RGS5: variants seen among roughly 807,000 people sequenced by gnomAD.
RGS5 encodes regulator of G-protein signalling 5.
In RGS5, 20 loss-of-function variants were observed where a neutral mutation model predicts 18.9. The observed-to-expected ratio is 1.06, with a 90% CI of 0.74 to 1.54. RGS5 has a LOEUF of 1.54. Among genes scored for constraint, RGS5 ranks in the 40% most tolerant of loss-of-function variants. The pLI, the probability that RGS5 is intolerant of heterozygous loss-of-function variation, is 0.00. For missense variants in RGS5, 201 were observed against 211.8 expected (o/e 0.95, Z 0.32); for synonymous variants, 57 against 76.2 (o/e 0.75, Z 1.31).
rs114826958 is a variant in RGS5 at position 163,149,899 on chromosome 1, C to T, written c.385-2396G>A. Reference sequence around the variant, plus strand: ...GTAATAAAAGCTATGACTTAACATACTTCAGGTGCACATACATATACACAA... The same window carrying T: ...GTAATAAAAGCTATGACTTAACATATTTCAGGTGCACATACATATACACAA... On this transcript the variant is annotated intron_variant, in intron 4 of 4. Coordinates refer to ENST00000313961, the MANE Select transcript of RGS5 (RefSeq NM_003617.4). 9.0e-3 allele frequency among the ~76,000 whole-genome samples: 1,365 copies of T among 152,242 alleles called. 18 individuals carry two copies. Among genetic ancestry groups the T allele is most frequent in the African/African-American group, 0.032 (1,316 of 41,542 alleles).
chr1:163,273,664 T>G (rs576550092), intron 2 of RGS5, among the ~76,000 whole-genome samples: 62 of 152,290 alleles, frequency 4.1e-4, no homozygotes, highest in Non-Finnish European at 8.1e-4. Context: ...ATCTAACATA[T>G]AGGACCACTC....
chr1:163,190,038 A>G (rs1659276940), intron 1 of RGS5, among the ~76,000 whole-genome samples: 1 of 152,188 alleles, frequency 6.6e-6, no homozygotes, highest in African/African-American at 2.4e-5. Flanking sequence ...GGGGATCAAC[A>G]TTGTCTCTGA....
At chr1:163,192,721 G>A (rs1312511206) in intron 1 of RGS5, among the ~76,000 whole-genome samples, 5 of 152,120 alleles carry the variant, frequency 3.3e-5, no homozygotes, top group Admixed American at 6.5e-5. Flanking sequence ...GCACTTCGGT[G>A]ATTCAGAAGC....
At chr1:163,313,997 A>ATG (rs760320834) in intron 1 of RGS5, among the ~76,000 whole-genome samples, 252 of 149,590 alleles carry the variant, frequency 1.7e-3, no homozygotes, top group African/African-American at 3.6e-3. Context: ...AATAAGATAT[A>ATG]TATGTGTGTG....
chr1:163,219,373 C>T (rs1271938795), upstream of RGS5, among the ~76,000 whole-genome samples: 1 of 152,120 alleles, frequency 6.6e-6, no homozygotes, highest in Non-Finnish European at 1.5e-5. Context: ...TGTCAGGCCT[C>T]TTCATGAAGC....
chr1:163,286,727 G>T (rs1649155561), intron 2 of RGS5, among the ~76,000 whole-genome samples: 1 of 151,552 alleles, frequency 6.6e-6, no homozygotes, highest in South Asian at 2.1e-4. Context: ...TGTAATCTCT[G>T]CCAGCTCAAT....
intron 1 of RGS5, among the ~76,000 whole-genome samples, chr1:163,210,154 T>TG (rs1660069305): frequency 6.9e-6 from 1 of 145,210 alleles, no homozygotes; most frequent in Admixed American, 7.0e-5. Flanking sequence ...CACGCCCAAC[T>TG]AATTTTTTTT....
intron 2 of RGS5, among the ~76,000 whole-genome samples, chr1:163,234,577 T>C (rs1647571589): frequency 6.6e-6 from 1 of 152,226 alleles, no homozygotes; most frequent in Non-Finnish European, 1.5e-5. Context: ...AGTGTTCATA[T>C]GGAATGGTTT....
intron 2 of RGS5, chr1:163,245,174 G>A (rs1227216964): frequency 6.6e-6 from 1 of 152,120 alleles, no homozygotes; most frequent in Non-Finnish European, 1.5e-5. Flanking sequence ...TTTCTTTTGT[G>A]TGTGTTGCAG....
rs189016992 is a variant in RGS5 at position 163,172,552 on chromosome 1, A to G, written c.45-4184T>C. 1,114 of 1,549,692 alleles carry G rather than the reference A, an allele frequency of 7.2e-4. 8 individuals carry two copies. The African/African-American group carries it at 0.012, about 16-fold the overall frequency. The stretch of plus-strand genomic sequence containing the variant: ...TATTCCATTTCTTCAGAGCAGACTA[A>G]CATACCAGAACATCAGGTTACTCTT... On this transcript the variant is annotated intron_variant, in intron 1 of 4. Transcript: ENST00000313961.
At chr1:163,160,862 C>A (rs1657770191) in intron 3 of RGS5, among the ~76,000 whole-genome samples, 2 of 152,190 alleles carry the variant, frequency 1.3e-5, no homozygotes, top group South Asian at 4.1e-4. Context: ...GTGAATTATT[C>A]AACAAATATT....
chr1:163,168,257 C>T lies in RGS5; in HGVS notation c.155+1G>A. 1 of 1,607,966 alleles carries T rather than the reference C, an allele frequency of 6.2e-7. No individual in the cohort carries two copies. ...GAGTGGAATCCATATTCATGACTCA[C>T]TTCTGGGTCTTGGCTGGTTTCTCTG... is the stretch of plus-strand genomic sequence containing the variant. On this transcript the variant is annotated splice_donor_variant, in intron 2 of 4. Transcript: ENST00000313961. LOFTEE classifies it high-confidence loss of function.
intron 2 of RGS5, among the ~76,000 whole-genome samples, chr1:163,245,553 T>C (rs1226480555): frequency 1.3e-5 from 2 of 152,246 alleles, no homozygotes; most frequent in African/African-American, 2.4e-5. Context: ...GGTTTTTGTA[T>C]CGCCTCATCA....
chr1:163,173,300 T>C (rs1658388184), intron 1 of RGS5, among the ~76,000 whole-genome samples: 1 of 152,210 alleles, frequency 6.6e-6, no homozygotes, highest in African/African-American at 2.4e-5. Flanking sequence ...TGAAAATGCT[T>C]GAGTTAAAGT....
chr1:163,163,263 A>G (rs144688375), intron 2 of RGS5, among the ~76,000 whole-genome samples: 1 of 152,084 alleles, frequency 6.6e-6, no homozygotes, highest in African/African-American at 2.4e-5. Context: ...TGATTATATG[A>G]TTTTTCATAA....
chr1:163,279,056 C>A (rs1293989337), intron 2 of RGS5, among the ~76,000 whole-genome samples: 4 of 152,064 alleles, frequency 2.6e-5, no homozygotes, highest in Non-Finnish European at 4.4e-5. Flanking sequence ...CAGAGCTAGA[C>A]CCTAATACAA....
At chr1:163,232,286 A>G (rs752718584) in intron 2 of RGS5, among the ~76,000 whole-genome samples, 31 of 152,200 alleles carry the variant, frequency 2.0e-4, no homozygotes, top group Admixed American at 5.9e-4. Context: ...AGAGACACAC[A>G]ACCTTAGTGT....
chr1:163,227,474 C>T (rs1245651062), intron 2 of RGS5, among the ~76,000 whole-genome samples: 2 of 152,148 alleles, frequency 1.3e-5, no homozygotes, highest in African/African-American at 4.8e-5. Flanking sequence ...GGGAAACCAC[C>T]TCCATGATTC....
At chr1:163,299,274 G>T (rs1476601893) in intron 2 of RGS5, among the ~76,000 whole-genome samples, 1 of 152,122 alleles carries the variant, frequency 6.6e-6, no homozygotes, top group Non-Finnish European at 1.5e-5. Flanking sequence ...TATATATTGG[G>T]AGGAAAAGGC....
Sources: gnomAD v4.1 joint callset for allele counts (sites outside exome capture counted in the v4.1 genomes callset) on GRCh38, gnomAD v4.1.1 for gene constraint, MANE v1.5 for transcripts, NCBI Gene and HGNC (gene_info 2026-07-23, HGNC 2026-07-21) for gene names.